NPY2R: variants seen among roughly 807,000 people sequenced by gnomAD.
The protein encoded by NPY2R is neuropeptide Y receptor Y2.
Under a neutral mutation model 22.3 loss-of-function variants are expected in NPY2R, and 17 were observed. The observed-to-expected ratio is 0.76, with a 90% CI of 0.52 to 1.14. The LOEUF is 1.14. NPY2R is among the 50% of genes most tolerant of loss of function. The probability of loss-of-function intolerance (pLI) is 0.00; values close to 1 mark genes in which losing one functional copy is unlikely to be tolerated. For missense variants in NPY2R, 424 were observed against 467.9 expected (o/e 0.91, Z 0.87); for synonymous variants, 209 against 183.4 (o/e 1.14, Z -1.13).
the NPY2R span, among the ~76,000 whole-genome samples, chr4:155,200,712 A>G: frequency 6.6e-6 from 1 of 152,170 alleles, no homozygotes; most frequent in Admixed American, 6.5e-5. Context: ...AGGGACATGG[A>G]TGAAGCTGGG....
At chr4:155,181,815 C>T in the NPY2R span, among the ~76,000 whole-genome samples, 5 of 152,128 alleles carry the variant, frequency 3.3e-5, no homozygotes, top group African/African-American at 1.2e-4. Flanking sequence ...CTAAGATGTT[C>T]CACACCAAGA....
chr4:155,214,637 G>C lies in NPY2R; in HGVS notation c.698G>C (p.Gly233Ala). The C allele has an allele frequency of 6.2e-7, 1 of 1,614,186 alleles. No homozygotes were observed. The highest frequency in any genetic ancestry group is 8.5e-7 in the Non-Finnish European group (1 of 1,180,042). The change falls in exon 2 of 2, where the codon GGC becomes GCC. Residue 233 changes from glycine (G) to alanine (A), a missense_variant. Gly to Ala is a moderately conservative substitution (Grantham distance 60). Coordinates refer to ENST00000329476, the MANE Select transcript of NPY2R (RefSeq NM_000910.4). ...TTGATCTTGTATGTTTTGCCTCTGGGCATTATATCATTTTCCTACACTCGC... is the reference window on the plus strand; with the variant it reads ...TTGATCTTGTATGTTTTGCCTCTGGCCATTATATCATTTTCCTACACTCGC... ...SLLILYVLPL[G>A]IISFSYTRIW...
chr4:155,194,427 GT>G, the NPY2R span, among the ~76,000 whole-genome samples: 2 of 151,762 alleles, frequency 1.3e-5, no homozygotes, highest in Admixed American at 1.3e-4. Flanking sequence ...AGGCCTCAGT[GT>G]TTTTTGTCCC....
Position 155,214,194 on chromosome 4 carries a change from C to T in NPY2R, c.255C>T (p.Thr85=). 1 of 1,614,076 alleles carries T rather than the reference C, an allele frequency of 6.2e-7. No individual in the cohort carries two copies. ...VIKFKSMRTV[T]NFFIANLAVA... ...AATTCAAGAGCATGCGCACAGTAACCAACTTTTTCATTGCCAATCTGGCTG... is the reference window on the plus strand; with the variant it reads ...AATTCAAGAGCATGCGCACAGTAACTAACTTTTTCATTGCCAATCTGGCTG... Residue 85 remains threonine (T), a synonymous_variant, in exon 2 of 2, where the codon ACC becomes ACT. Transcript: ENST00000329476.
rs146626311 is a variant in NPY2R at position 155,211,473 on chromosome 4, A to G, written c.-49+2404A>G. Among the ~76,000 whole-genome samples, 135 of 152,308 alleles carry G rather than the reference A, an allele frequency of 8.9e-4. 1 individual carries two copies. The East Asian group carries it at 0.022, about 24-fold the overall frequency. ...ATATATTGGGCTGTCAGCAGAGATG[A>G]GGCCAGAGGGATATGCAGGGATGAG... On this transcript the variant is annotated intron_variant, in intron 1 of 1. Coordinates refer to ENST00000329476, the MANE Select transcript of NPY2R (RefSeq NM_000910.4).
chr4:155,206,747 GA>G (rs1352801653), upstream of NPY2R: 2 of 152,218 alleles, frequency 1.3e-5, no homozygotes, highest in Non-Finnish European at 2.9e-5. Context: ...CAATGTCAGT[GA>G]AATCAGTTGA....
the NPY2R span, among the ~76,000 whole-genome samples, chr4:155,199,946 C>A: frequency 2.6e-5 from 4 of 152,088 alleles, no homozygotes; most frequent in African/African-American, 9.7e-5. Context: ...ATGACATAGG[C>A]ATGGGCAAAG....
chr4:155,200,377 G>GA, the NPY2R span, among the ~76,000 whole-genome samples: 64,384 of 151,946 alleles, frequency 0.42, 15,004 homozygotes, highest in African/African-American at 0.63. Flanking sequence ...AGAAGCTGTG[G>GA]AAAATAGGAA....
At chr4:155,203,798 C>A (rs1040028369), upstream of NPY2R, among the ~76,000 whole-genome samples, 2 of 152,160 alleles carry the variant, frequency 1.3e-5, no homozygotes, top group African/African-American at 2.4e-5. Flanking sequence ...TAAAGCAAGA[C>A]AATCAGTTTT....
chr4:155,183,198 G>A, the NPY2R span, among the ~76,000 whole-genome samples: 8 of 152,218 alleles, frequency 5.3e-5, no homozygotes, highest in Middle Eastern at 3.4e-3. Flanking sequence ...GCCTGACCAA[G>A]TAATGAATAT....
the NPY2R span, among the ~76,000 whole-genome samples, chr4:155,185,869 T>G: frequency 6.7e-6 from 1 of 148,926 alleles, no homozygotes; most frequent in African/African-American, 2.5e-5. Flanking sequence ...TTGTAAGAAA[T>G]ATTAACTTTT....
the NPY2R span, among the ~76,000 whole-genome samples, chr4:155,188,879 T>C: frequency 6.6e-6 from 1 of 152,098 alleles, no homozygotes. Context: ...CATGTCCTAA[T>C]TCCAGAAACT....
At chr4:155,191,384 T>C in the NPY2R span, among the ~76,000 whole-genome samples, 1 of 151,896 alleles carries the variant, frequency 6.6e-6, no homozygotes, top group African/African-American at 2.4e-5. Flanking sequence ...CCTTACCACC[T>C]AAATGTAATT....
chr4:155,185,405 G>A, the NPY2R span, among the ~76,000 whole-genome samples: 2 of 152,060 alleles, frequency 1.3e-5, no homozygotes, highest in African/African-American at 4.8e-5. Context: ...ATGATAGTGA[G>A]GTCATTAAAA....
chr4:155,190,352 TAAG>T, the NPY2R span, among the ~76,000 whole-genome samples: 119 of 152,108 alleles, frequency 7.8e-4, no homozygotes, highest in Non-Finnish European at 1.5e-3. Flanking sequence ...TTTGAGTTTT[TAAG>T]AAGAACAGAA....
chr4:155,185,885 G>A, the NPY2R span, among the ~76,000 whole-genome samples: 18 of 130,622 alleles, frequency 1.4e-4, no homozygotes, highest in Non-Finnish European at 2.5e-4. Flanking sequence ...CTTTTTCAGG[G>A]GTGAGTGAAA....
At chr4:155,200,289 A>G in the NPY2R span, among the ~76,000 whole-genome samples, 1 of 152,216 alleles carries the variant, frequency 6.6e-6, no homozygotes, top group African/African-American at 2.4e-5. Context: ...AGAAATGCAA[A>G]TCAAAACCAC....
the NPY2R span, among the ~76,000 whole-genome samples, chr4:155,180,952 G>A: frequency 0.47 from 71,447 of 151,844 alleles, 17,506 homozygotes; most frequent in East Asian, 0.69. Flanking sequence ...TAAATAGTCT[G>A]AAAGTCAGTG....
chr4:155,203,524 G>A, the NPY2R span, among the ~76,000 whole-genome samples: 2 of 152,086 alleles, frequency 1.3e-5, no homozygotes, highest in African/African-American at 4.8e-5. Flanking sequence ...TTTTTTATAT[G>A]TGTATTTGAT....
Sources: gnomAD v4.1 joint callset for allele counts (sites outside exome capture counted in the v4.1 genomes callset) on GRCh38, gnomAD v4.1.1 for gene constraint, MANE v1.5 for transcripts, NCBI Gene and HGNC (gene_info 2026-07-23, HGNC 2026-07-21) for gene names.